SCYL3: variants seen among roughly 807,000 people sequenced by gnomAD.
SCYL3 encodes the protein protein-associating with the carboxyl-terminal domain of ezrin.
In SCYL3, 35 loss-of-function variants were observed where a neutral mutation model predicts 73.8. The ratio of observed to expected loss-of-function variants is 0.47; its 90% CI spans 0.36 to 0.63. The LOEUF is 0.63. Ranked by LOEUF, SCYL3 falls within the 20% of genes least tolerant of loss-of-function variation. The pLI is 0.00. For synonymous variants in SCYL3, 277 were observed against 295.2 expected (o/e 0.94, Z 0.63); for missense variants, 712 against 798.9 (o/e 0.89, Z 1.31).
chr1:169,894,256 C>G (rs1254474315), upstream of SCYL3: 1 of 152,242 alleles, frequency 6.6e-6, no homozygotes, highest in Non-Finnish European at 1.5e-5. Context: ...TTGTAGCAAA[C>G]AGTAGAGGTG....
intron 9 of SCYL3, among the ~76,000 whole-genome samples, 160 bp from the exon 10 acceptor site, chr1:169,862,957 T>C (rs1447133519): frequency 2.0e-5 from 3 of 152,148 alleles, no homozygotes; most frequent in Non-Finnish European, 2.9e-5. Context: ...CTGTCACCCA[T>C]GCTGGAGTGC....
rs1407012167 is a variant in SCYL3, at chr1:169,850,589, A to C, written c.*3124T>G. The C allele has an allele frequency of 1.8e-5, 6 of 333,894 alleles. No homozygotes were observed. The highest frequency in any genetic ancestry group is 2.8e-5 in the Non-Finnish European group (5 of 178,260). The allele number at this position is 333,894 out of a possible 1,614,324, so 20.7% of individuals were successfully genotyped here. On this transcript the variant is annotated 3_prime_UTR_variant, in exon 13 of 13. Transcript: ENST00000367771. ...AAGGTGGGTGGATCATGAGGTCAGG[A>C]GTTCAAGACCAGCCTGGCCAACATG... is the stretch of plus-strand genomic sequence containing the variant.
intron 3 of SCYL3, among the ~76,000 whole-genome samples, chr1:169,876,837 C>G (rs1368774644): frequency 6.6e-6 from 1 of 151,756 alleles, no homozygotes; most frequent in African/African-American, 2.4e-5. Context: ...CGCCTGTAGT[C>G]CCAGCTACTC....
intron 5 of SCYL3, among the ~76,000 whole-genome samples, chr1:169,873,128 C>T (rs1400986498): frequency 1.3e-5 from 2 of 152,130 alleles, no homozygotes; most frequent in East Asian, 1.9e-4. Flanking sequence ...CCCACAATTC[C>T]CATGTGTCAT....
rs1484339492 is a variant in SCYL3, at chr1:169,852,057, T to C, written c.*1656A>G. 3 of 1,374,382 alleles carry C rather than the reference T, an allele frequency of 2.2e-6. No homozygotes were observed. Among genetic ancestry groups the C allele is most frequent in the Non-Finnish European group, 3.0e-6 (3 of 983,968 alleles). The allele number at this position is 1,374,382 out of a possible 1,614,324, so 85.1% of individuals were successfully genotyped here. On this transcript the variant is annotated 3_prime_UTR_variant, in exon 13 of 13. Transcript: ENST00000367771. ...TGCTGAATTTCAAATCAAATAGATCTAGACATGTAAAATTCTGTTTTATGG... is the reference window on the plus strand; with the variant it reads ...TGCTGAATTTCAAATCAAATAGATCCAGACATGTAAAATTCTGTTTTATGG...
intron 1 of SCYL3, among the ~76,000 whole-genome samples, chr1:169,892,758 G>A (rs143347396): frequency 0.015 from 2,329 of 152,284 alleles, 29 homozygotes; most frequent in Non-Finnish European, 0.02. Context: ...TGTAGATTAA[G>A]AAAACCCTTG....
intron 12 of SCYL3, 43 bp from the exon 13 acceptor site, chr1:169,853,815 C>A (rs368799323): frequency 2.7e-5 from 43 of 1,590,608 alleles, no homozygotes; most frequent in Non-Finnish European, 3.7e-5. Context: ...TGAAACAAAT[C>A]ATATGCAAAA....
intron 1 of SCYL3, among the ~76,000 whole-genome samples, chr1:169,891,643 T>C (rs1202215730): frequency 6.6e-6 from 1 of 152,226 alleles, no homozygotes; most frequent in Admixed American, 6.5e-5. Flanking sequence ...TAAGGGACTG[T>C]ATATTAATGA....
chr1:169,876,847 C>T (rs1305873259), intron 3 of SCYL3, among the ~76,000 whole-genome samples: 3 of 150,144 alleles, frequency 2.0e-5, no homozygotes, highest in African/African-American at 4.9e-5. Context: ...CCCAGCTACT[C>T]GGGAGGCTGA....
At position 169,850,101 on chromosome 1, in the gene SCYL3, T is replaced by C; in HGVS notation, c.*3612A>G. 1.7e-6 allele frequency: 1 copy of C among 594,394 alleles called. No individual in the cohort carries two copies. The highest frequency in any genetic ancestry group is 2.1e-5 in the South Asian group (1 of 47,460). 36.8% of individuals were successfully genotyped at this position (594,394 alleles called of 1,614,324 possible). A position where few individuals can be genotyped will look rare whatever the true frequency, so the allele number is the denominator to read the frequency against. On this transcript the variant is annotated 3_prime_UTR_variant, in exon 13 of 13. Coordinates refer to ENST00000367771, the MANE Select transcript of SCYL3 (RefSeq NM_020423.7). The stretch of plus-strand genomic sequence containing the variant: ...TTGTACAGAAGTTAATTTTGTATTA[T>C]CCTTAGGGACCCTGAAGGAATCATG...
intron 8 of SCYL3, 94 bp from the exon 9 acceptor site, chr1:169,864,602 C>T: frequency 5.7e-6 from 7 of 1,226,752 alleles, no homozygotes; most frequent in South Asian, 3.2e-5. Context: ...TCTCTCACTT[C>T]TATCAAAGTG....
Position 169,852,023 on chromosome 1 carries a change from C to T in SCYL3, c.*1690G>A. On this transcript the variant is annotated 3_prime_UTR_variant, in exon 13 of 13. Coordinates refer to ENST00000367771, the MANE Select transcript of SCYL3 (RefSeq NM_020423.7). ...CTGACGAAACAAACCAGTGTGGTTT[C>T]CAGCCTTATGCTGAATTTCAAATCA... The T allele has an allele frequency of 1.3e-6, 2 of 1,572,536 alleles. No homozygotes were observed. Among genetic ancestry groups the T allele is most frequent in the Non-Finnish European group, 1.7e-6 (2 of 1,146,872 alleles).
In SCYL3 at chr1:169,852,648, G is replaced by A; in HGVS notation, c.*1065C>T. The A allele has an allele frequency of 1.3e-6, 1 of 772,948 alleles. No individual in the cohort carries two copies. Among genetic ancestry groups the A allele is most frequent in the Non-Finnish European group, 2.1e-6 (1 of 481,878 alleles). 47.9% of individuals were successfully genotyped at this position (772,948 alleles called of 1,614,324 possible). A position where few individuals can be genotyped will look rare whatever the true frequency, so the allele number is the denominator to read the frequency against. ...TTTACATATTTTTCTAGATGACTGT[G>A]TAGGGGTTTTGGGGTGCATCCTCCT... On this transcript the variant is annotated 3_prime_UTR_variant, in exon 13 of 13. Coordinates refer to ENST00000367771, the MANE Select transcript of SCYL3 (RefSeq NM_020423.7).
At chr1:169,862,923 T>C in intron 9 of SCYL3, 126 bp from the exon 10 acceptor site, 1 of 928,244 alleles carries the variant, frequency 1.1e-6, no homozygotes, top group Non-Finnish European at 1.6e-6. Flanking sequence ...AATTCTTTTT[T>C]TCTTTTTGAG....
chr1:169,882,032 C>T (rs956967913), intron 2 of SCYL3, among the ~76,000 whole-genome samples: 1 of 152,242 alleles, frequency 6.6e-6, no homozygotes, highest in African/African-American at 2.4e-5. Flanking sequence ...CCCTTCAGCC[C>T]ACCACAGCAC....
At chr1:169,859,261 T>G (rs758699954) in intron 10 of SCYL3, 49 bp from the exon 11 acceptor site, 3 of 1,533,558 alleles carry the variant, frequency 2.0e-6, no homozygotes, top group Non-Finnish European at 2.6e-6. Flanking sequence ...TACCTATCTC[T>G]TTCTTCCCCT....
At position 169,855,949 on chromosome 1, in the gene SCYL3, T is replaced by C. The variant is rs138285360; in HGVS notation, c.1313-985A>G. The C allele has an allele frequency of 3.0e-4, 485 of 1,610,842 alleles. 1 individual carries two copies. Among genetic ancestry groups the C allele is most frequent in the Non-Finnish European group, 3.0e-4 (351 of 1,179,116 alleles). On this transcript the variant is annotated intron_variant, in intron 11 of 12. Transcript: ENST00000367771. ...CTGTGATGGCTGCAGACGACACACA[T>C]AGGAGAATCTGAAGGTAAATAAAAA...
At position 169,864,804 on chromosome 1, in the gene SCYL3, A is replaced by T. The variant is rs181343075; in HGVS notation, c.816-296T>A. 4.1e-3 allele frequency among the ~76,000 whole-genome samples: 621 copies of T among 152,230 alleles called. 5 individuals carry two copies. Among genetic ancestry groups the T allele is most frequent in the African/African-American group, 0.013 (551 of 41,520 alleles). ...GTGAAACCCCATCTCTACTAAAAGT[A>T]CAAAAATTAGCCGGGCGTGGTGGCA... is the stretch of plus-strand genomic sequence containing the variant. On this transcript the variant is annotated intron_variant, in intron 8 of 12. Transcript: ENST00000367771.
intron 2 of SCYL3, among the ~76,000 whole-genome samples, chr1:169,882,570 C>T (rs1661364129): frequency 6.6e-6 from 1 of 152,236 alleles, no homozygotes; most frequent in Admixed American, 6.5e-5. Context: ...GCCAGCTGGG[C>T]TCCTGAGTCT....
Sources: allele counts gnomAD v4.1 joint callset (sites outside exome capture counted in the v4.1 genomes callset), GRCh38; gene constraint gnomAD v4.1.1; transcripts MANE v1.5; gene names NCBI Gene and HGNC (gene_info 2026-07-23, HGNC 2026-07-21).